The following GRIN2A variants were observed in gnomAD, a reference collection of about 807,000 sequenced individuals.
The protein encoded by GRIN2A is glutamate receptor ionotropic, NMDA 2A.
A neutral mutation model predicts 113.4 loss-of-function variants in GRIN2A; 22 were observed. That is an observed-to-expected ratio of 0.19 (90% CI 0.14 to 0.28). GRIN2A has a LOEUF of 0.28. Among genes scored for constraint, GRIN2A ranks in the 10% least tolerant of loss-of-function variants. The pLI is 1.00. For missense variants in GRIN2A, 1,502 were observed against 1,887.0 expected, an observed-to-expected ratio of 0.80 and a Z score of 3.78; for synonymous variants, 827 against 738.4, an observed-to-expected ratio of 1.12 and a Z score of -1.94.
intron 2 of GRIN2A, among the ~76,000 whole-genome samples, chr16:9,977,601 G>C (rs1472671792): frequency 6.6e-6 from 1 of 152,198 alleles, no homozygotes; most frequent in Admixed American, 6.5e-5. Context: ...GTGGAAGGCA[G>C]AGCTCAAGCA....
At chr16:9,887,771 A>G (rs1216582385) in intron 4 of GRIN2A, among the ~76,000 whole-genome samples, 1 of 152,182 alleles carries the variant, frequency 6.6e-6, no homozygotes, top group African/African-American at 2.4e-5. Flanking sequence ...ACACACACAC[A>G]GTTTTTGGCC....
At chr16:9,851,516 G>C (rs879046904) in intron 4 of GRIN2A, among the ~76,000 whole-genome samples, 2 of 152,176 alleles carry the variant, frequency 1.3e-5, no homozygotes, top group African/African-American at 4.8e-5. Flanking sequence ...TCAGTTGTAC[G>C]ACATAGATCA....
At chr16:9,782,019 A>G (rs1901968503) in intron 11 of GRIN2A, among the ~76,000 whole-genome samples, 1 of 152,232 alleles carries the variant, frequency 6.6e-6, no homozygotes, top group Non-Finnish European at 1.5e-5. Flanking sequence ...ATAATTAAAG[A>G]AATGTGTCTG....
intron 10 of GRIN2A, among the ~76,000 whole-genome samples, chr16:9,805,225 C>G (rs900206508): frequency 1.3e-5 from 2 of 152,192 alleles, no homozygotes. Flanking sequence ...TTGACATTTC[C>G]TAATCAAAAG....
At chr16:10,162,851 A>G (rs1567342508) in intron 2 of GRIN2A, among the ~76,000 whole-genome samples, 1 of 152,168 alleles carries the variant, frequency 6.6e-6, no homozygotes, top group Non-Finnish European at 1.5e-5. Context: ...CCTGAAGCCC[A>G]TTTGAAAACC....
At chr16:9,977,200 G>T in intron 2 of GRIN2A, among the ~76,000 whole-genome samples, 1 of 151,814 alleles carries the variant, frequency 6.6e-6, no homozygotes, top group Non-Finnish European at 1.5e-5. Flanking sequence ...GCTGAGGCAG[G>T]AGGATCGCTT....
intron 2 of GRIN2A, among the ~76,000 whole-genome samples, chr16:10,040,280 C>A (rs1343146848): frequency 1.5e-5 from 2 of 131,312 alleles, no homozygotes; most frequent in African/African-American, 5.7e-5. Context: ...GATACATAAA[C>A]ACATCCACGT....
chr16:10,153,201 A>AG (rs1291207995), intron 2 of GRIN2A, among the ~76,000 whole-genome samples: 1 of 152,194 alleles, frequency 6.6e-6, no homozygotes. Flanking sequence ...ATTCATGTGT[A>AG]GGGCAGGGGG....
chr16:9,914,264 C>G (rs1006486264), intron 3 of GRIN2A, among the ~76,000 whole-genome samples: 9 of 152,158 alleles, frequency 5.9e-5, no homozygotes, highest in African/African-American at 2.2e-4. Flanking sequence ...TAAAACTTTA[C>G]AGAACTGCCA....
intron 10 of GRIN2A, among the ~76,000 whole-genome samples, chr16:9,800,567 A>G (rs141482669): frequency 6.6e-6 from 1 of 152,278 alleles, no homozygotes; most frequent in East Asian, 1.9e-4. Flanking sequence ...ACTATTTGGC[A>G]GGTTTACAGC....
At chr16:10,163,568 C>T (rs2049849686) in intron 2 of GRIN2A, among the ~76,000 whole-genome samples, 1 of 152,168 alleles carries the variant, frequency 6.6e-6, no homozygotes, top group Non-Finnish European at 1.5e-5. Flanking sequence ...TTCCGTTTTG[C>T]TTGTGAATAG....
intron 2 of GRIN2A, among the ~76,000 whole-genome samples, chr16:10,012,051 C>G (rs755030054): frequency 4.0e-5 from 6 of 151,850 alleles, no homozygotes; most frequent in Admixed American, 6.6e-5. Flanking sequence ...ATCAGTGATA[C>G]TTGGAAATGA....
At chr16:10,019,773 C>G (rs1026108465) in intron 2 of GRIN2A, among the ~76,000 whole-genome samples, 1 of 152,210 alleles carries the variant, frequency 6.6e-6, no homozygotes, top group African/African-American at 2.4e-5. Flanking sequence ...GACTTCCTGG[C>G]TGACTTAGAA....
intron 4 of GRIN2A, among the ~76,000 whole-genome samples, chr16:9,889,485 A>AT (rs1463457375): frequency 6.6e-6 from 1 of 151,598 alleles, no homozygotes; most frequent in Non-Finnish European, 1.5e-5. Flanking sequence ...TGTATTTATG[A>AT]TTTTTTTCTT....
intron 2 of GRIN2A, chr16:10,112,294 C>G: frequency 1.5e-6 from 1 of 645,398 alleles, no homozygotes; most frequent in Non-Finnish European, 2.8e-6. Context: ...AATGTGGTGA[C>G]AGCAGCCCAG....
chr16:9,874,441 G>A (rs2043326357), intron 4 of GRIN2A, among the ~76,000 whole-genome samples: 1 of 152,216 alleles, frequency 6.6e-6, no homozygotes, highest in African/African-American at 2.4e-5. Flanking sequence ...GCCGAGCTCA[G>A]AAACAGACAT....
In GRIN2A at chr16:9,761,069, C is replaced by A. The variant is rs1900560564; in HGVS notation, c.*2080G>T. ...ATGCATCCCCAGCACCTAGTCAGCC[C>A]CTTCTGCCTTTCAAAAATGAAAGGA... On this transcript the variant is annotated 3_prime_UTR_variant, in exon 13 of 13. Transcript: ENST00000330684. The A allele has an allele frequency of 4.3e-6, 1 of 232,870 alleles. No individual in the cohort carries two copies. The highest frequency in any genetic ancestry group is 6.0e-5 in the East Asian group (1 of 16,546). The allele number at this position is 232,870 out of a possible 1,614,324, so 14.4% of individuals were successfully genotyped here.
intron 4 of GRIN2A, among the ~76,000 whole-genome samples, chr16:9,867,459 G>A (rs561928732): frequency 2.2e-4 from 33 of 152,222 alleles, no homozygotes; most frequent in African/African-American, 7.2e-4. Context: ...CTGCACACAT[G>A]TCTTTCTTCT....
chr16:10,020,469 A>G (rs2141894908), intron 2 of GRIN2A, among the ~76,000 whole-genome samples: 1 of 152,324 alleles, frequency 6.6e-6, no homozygotes, highest in Non-Finnish European at 1.5e-5. Context: ...TAAATATAAA[A>G]GGGAGTTCTG....
Sources: allele counts gnomAD v4.1 joint callset (sites outside exome capture counted in the v4.1 genomes callset), GRCh38; gene constraint gnomAD v4.1.1; transcripts MANE v1.5; gene names NCBI Gene and HGNC (gene_info 2026-07-23, HGNC 2026-07-21).